COMMD1: variants seen among roughly 807,000 people sequenced by gnomAD.
The protein encoded by COMMD1 is copper metabolism domain containing 1.
In COMMD1, 10 loss-of-function variants were observed where a neutral mutation model predicts 17.2. The ratio of observed to expected loss-of-function variants is 0.58; its 90% CI spans 0.36 to 0.99. The LOEUF is 0.99. Ranked by LOEUF, COMMD1 falls within the 50% of genes least tolerant of loss-of-function variation. The pLI is 0.01. For missense variants in COMMD1, 270 were observed against 231.8 expected (o/e 1.17, Z -1.07); for synonymous variants, 97 against 91.6 (o/e 1.06, Z -0.34).
Position 62,129,705 on chromosome 2 carries a change from G to A in COMMD1, c.463-6126G>A, listed in dbSNP as rs1672973101. 2.6e-5 allele frequency among the ~76,000 whole-genome samples: 4 copies of A among 152,166 alleles called. No homozygotes were observed. The South Asian group carries it at 8.3e-4, about 32-fold the overall frequency. ...GCCAATTTTAATGTCTGCCATATGT[G>A]TTCATTCTTGAGTGCTTGCTCTCCC... is the stretch of plus-strand genomic sequence containing the variant. On this transcript the variant is annotated intron_variant, in intron 2 of 2. Transcript: ENST00000311832.
chr2:61,913,945 G>A (rs1669981966), intron 1 of COMMD1, among the ~76,000 whole-genome samples: 2 of 152,004 alleles, frequency 1.3e-5, no homozygotes, highest in South Asian at 4.1e-4. Flanking sequence ...GCTGAAGTGG[G>A]CGGATCATGA....
chr2:62,048,297 C>T (rs571835282), intron 2 of COMMD1, among the ~76,000 whole-genome samples: 76 of 152,002 alleles, frequency 5.0e-4, no homozygotes, highest in Admixed American at 2.9e-3. Flanking sequence ...ATTCTCCTGC[C>T]TCAGCCTTCA....
At position 62,058,550 on chromosome 2, in the gene COMMD1, G is replaced by A. The variant is rs560997649; in HGVS notation, c.462+57568G>A. Among the ~76,000 whole-genome samples the A allele has an allele frequency of 9.9e-5, 15 of 152,182 alleles. 1 individual carries two copies. In the South Asian group the frequency reaches 3.1e-3, roughly 32 times the overall value. Reference sequence around the variant, plus strand: ...CAGCACTGGGAGGCTGAGGTGGGAGGATTGCTTGAGCCCAGGAGTTTGAGA... The same window carrying A: ...CAGCACTGGGAGGCTGAGGTGGGAGAATTGCTTGAGCCCAGGAGTTTGAGA... On this transcript the variant is annotated intron_variant, in intron 2 of 2. Coordinates refer to ENST00000311832, the MANE Select transcript of COMMD1 (RefSeq NM_152516.4).
At chr2:61,907,363 C>T (rs547775509) in intron 1 of COMMD1, among the ~76,000 whole-genome samples, 17 of 152,350 alleles carry the variant, frequency 1.1e-4, no homozygotes, top group African/African-American at 4.1e-4. Context: ...CCTCGGCCTC[C>T]CGGAGTGCCA....
At chr2:62,025,667 G>A (rs1446919756) in intron 2 of COMMD1, among the ~76,000 whole-genome samples, 1 of 152,018 alleles carries the variant, frequency 6.6e-6, no homozygotes, top group African/African-American at 2.4e-5. Flanking sequence ...GGGATACACT[G>A]TTTTTTTGTG....
At chr2:61,997,112 T>C (rs1573047416) in intron 1 of COMMD1, among the ~76,000 whole-genome samples, 1 of 150,964 alleles carries the variant, frequency 6.6e-6, no homozygotes, top group African/African-American at 2.4e-5. Flanking sequence ...CAGGCAGGAG[T>C]GCAATGGTGC....
rs267599421 is a variant in COMMD1 at position 62,000,835 on chromosome 2, C to G, written c.315C>G (p.Ile105Met). 1.2e-6 allele frequency: 2 copies of G among 1,614,032 alleles called. No homozygotes were observed. The highest frequency in any genetic ancestry group is 1.7e-6 in the Non-Finnish European group (2 of 1,180,030). The stretch of plus-strand genomic sequence containing the variant: ...TCTGGAAGAGCCACAAGACAAAAAT[C>G]CGTGAGAGCCTCATGAACCAGAGCC... ...SKFWKSHKTK[I>M]RESLMNQSRW... The change falls in exon 2 of 3, where the codon ATC becomes ATG. Residue 105 changes from isoleucine (I) to methionine (M), a missense_variant. By Grantham distance (10) the Ile-to-Met change is conservative (BLOSUM62 1). Transcript: ENST00000311832.
chr2:62,071,640 T>A (rs1404404131), intron 2 of COMMD1, among the ~76,000 whole-genome samples: 1 of 151,980 alleles, frequency 6.6e-6, no homozygotes, highest in Non-Finnish European at 1.5e-5. Context: ...GAAAACTTTT[T>A]AAAAAAGAAA....
intron 1 of COMMD1, among the ~76,000 whole-genome samples, chr2:61,991,168 T>C (rs1219618312): frequency 6.6e-6 from 1 of 152,196 alleles, no homozygotes. Flanking sequence ...GTAGCCTAAT[T>C]TTTAAATTTG....
intron 2 of COMMD1, among the ~76,000 whole-genome samples, chr2:62,021,946 C>G (rs1669622861): frequency 1.3e-5 from 2 of 152,084 alleles, no homozygotes; most frequent in South Asian, 4.1e-4. Context: ...TTTTCACTTT[C>G]TCGATAATGC....
intron 2 of COMMD1, among the ~76,000 whole-genome samples, chr2:62,048,182 CTT>C (rs67195629): frequency 2.3e-4 from 29 of 127,188 alleles, no homozygotes; most frequent in Non-Finnish European, 2.0e-4. Context: ...AACTAAATTT[CTT>C]TTTTTTTTTT....
intron 1 of COMMD1, among the ~76,000 whole-genome samples, chr2:61,910,863 C>T (rs1298984824): frequency 6.6e-6 from 1 of 151,214 alleles, no homozygotes; most frequent in Non-Finnish European, 1.5e-5. Flanking sequence ...TCAGGTGGAT[C>T]ACCTGAAGTC....
chr2:62,106,810 A>G (rs965271596), intron 2 of COMMD1, among the ~76,000 whole-genome samples: 1 of 152,244 alleles, frequency 6.6e-6, no homozygotes, highest in African/African-American at 2.4e-5. Flanking sequence ...GCAGAAGCAG[A>G]GACTGTGTGG....
chr2:62,060,133 G>A (rs1355282254), intron 2 of COMMD1, among the ~76,000 whole-genome samples: 3 of 152,200 alleles, frequency 2.0e-5, no homozygotes, highest in Admixed American at 6.5e-5. Flanking sequence ...GTTCCAGACC[G>A]GCTTAGGCAA....
At chr2:62,045,436 A>G (rs1442572051) in intron 2 of COMMD1, among the ~76,000 whole-genome samples, 1 of 152,166 alleles carries the variant, frequency 6.6e-6, no homozygotes, top group African/African-American at 2.4e-5. Flanking sequence ...AGCAGAGTTC[A>G]GGCCCCTCCC....
intron 1 of COMMD1, among the ~76,000 whole-genome samples, chr2:61,993,355 C>T (rs1314005666): frequency 6.6e-6 from 1 of 152,154 alleles, no homozygotes; most frequent in African/African-American, 2.4e-5. Flanking sequence ...TTTTTCTTTT[C>T]GAACTCATTT....
chr2:61,973,147 C>A (rs1344551501), intron 1 of COMMD1, among the ~76,000 whole-genome samples: 1 of 152,114 alleles, frequency 6.6e-6, no homozygotes, highest in African/African-American at 2.4e-5. Flanking sequence ...TGTCACTATT[C>A]ACTTTTTTAT....
At chr2:62,064,563 G>T (rs548926003) in intron 2 of COMMD1, among the ~76,000 whole-genome samples, 1 of 152,056 alleles carries the variant, frequency 6.6e-6, no homozygotes, top group Admixed American at 6.5e-5. Flanking sequence ...TTTTTGACTT[G>T]TTCATTCTTT....
intron 2 of COMMD1, among the ~76,000 whole-genome samples, chr2:62,011,603 T>TA (rs1373888733): frequency 6.6e-6 from 1 of 152,176 alleles, no homozygotes; most frequent in Admixed American, 6.5e-5. Flanking sequence ...TAACTCACTA[T>TA]AAAGCATCTC....
Sources: allele counts gnomAD v4.1 joint callset (sites outside exome capture counted in the v4.1 genomes callset), GRCh38; gene constraint gnomAD v4.1.1; transcripts MANE v1.5; gene names NCBI Gene and HGNC (gene_info 2026-07-23, HGNC 2026-07-21).